DOCK6: variants seen among roughly 807,000 people sequenced by gnomAD.
DOCK6 encodes the protein dedicator of cytokinesis protein 6.
Under a neutral mutation model 230.3 loss-of-function variants are expected in DOCK6, and 167 were observed. The observed-to-expected ratio is 0.73, with a 90% CI of 0.64 to 0.82. DOCK6 has a LOEUF of 0.82. Among genes scored for constraint, DOCK6 ranks in the 40% least tolerant of loss-of-function variants. The pLI is 0.00. For synonymous variants in DOCK6, 1,148 were observed against 1,185.0 expected (o/e 0.97, Z 0.64); for missense variants, 2,598 against 2,825.8 (o/e 0.92, Z 1.83).
chr19:11,217,420 G>A (rs1404426297), intron 28 of DOCK6, 29 bp from the exon 29 acceptor site: 1 of 1,604,368 alleles, frequency 6.2e-7, no homozygotes, highest in Non-Finnish European at 8.5e-7. Flanking sequence ...GGGAAAGAAA[G>A]ATAAACCCTT....
intron 28 of DOCK6, 74 bp downstream of exon 28, chr19:11,221,777 C>G (rs2079581431): frequency 6.2e-6 from 10 of 1,607,228 alleles, no homozygotes; most frequent in Non-Finnish European, 8.5e-6. Flanking sequence ...TGTGTTCTCC[C>G]ACCTTTACTA....
rs2080108058 is a variant in DOCK6 at position 11,250,939 on chromosome 19, T to C, written c.655A>G (p.Asn219Asp). 1.9e-6 allele frequency: 3 copies of C among 1,612,916 alleles called. No individual in the cohort carries two copies. Among genetic ancestry groups the C allele is most frequent in the Non-Finnish European group, 2.5e-6 (3 of 1,179,126 alleles). ...RAAPEDVDRR[N>D]ETLRRQHRPP... ...CGGTGCTGCCGTCGAAGGGTTTCAT[T>C]GCGCCGGTCCACATCTTCTGGGGCC... is the stretch of plus-strand genomic sequence containing the variant. The change falls in exon 6 of 48, where the codon AAT (asparagine) becomes GAT (aspartate). Residue 219 changes from asparagine to aspartate, a missense_variant. By Grantham distance (23) the Asn-to-Asp change is conservative. Transcript: ENST00000294618.
chr19:11,227,318 G>T lies in DOCK6; in HGVS notation c.2955+19C>A. On this transcript the variant is annotated intron_variant, in intron 24 of 47. Transcript: ENST00000294618. Reference sequence around the variant, plus strand: ...CCTCCCTCAGGTTTCTTCCCACATTGAGACCCTGCATCTCTCACCTTGTGG... The same window carrying T: ...CCTCCCTCAGGTTTCTTCCCACATTTAGACCCTGCATCTCTCACCTTGTGG... 6.2e-7 allele frequency: 1 copy of T among 1,611,588 alleles called. No homozygotes were observed. Among genetic ancestry groups the T allele is most frequent in the Non-Finnish European group, 8.5e-7 (1 of 1,178,114 alleles).
intron 21 of DOCK6, among the ~76,000 whole-genome samples, chr19:11,233,593 G>C (rs1488759069): frequency 6.6e-6 from 1 of 152,116 alleles, no homozygotes; most frequent in Non-Finnish European, 1.5e-5. Context: ...CAGCACTTTG[G>C]GAGGGCGAGC....
At chr19:11,218,980 G>A (rs1216998548) in intron 28 of DOCK6, among the ~76,000 whole-genome samples, 1 of 144,788 alleles carries the variant, frequency 6.9e-6, no homozygotes, top group East Asian at 2.1e-4. Context: ...CCAGGTTCTA[G>A]TGATTCTCCT....
intron 14 of DOCK6, chr19:11,238,913 A>T (rs1195795911): frequency 6.4e-6 from 1 of 155,372 alleles, no homozygotes; most frequent in Non-Finnish European, 1.4e-5. Flanking sequence ...CAATGACAAT[A>T]ATTGCACCAA....
intron 6 of DOCK6, among the ~76,000 whole-genome samples, chr19:11,249,759 G>A (rs188880353): frequency 4.5e-4 from 67 of 148,634 alleles, no homozygotes; most frequent in Middle Eastern, 3.8e-3. Context: ...TTAGCCGGGC[G>A]TGGTGGCTGG....
chr19:11,258,781 G>A (rs2080238122), intron 1 of DOCK6, among the ~76,000 whole-genome samples: 1 of 148,094 alleles, frequency 6.8e-6, no homozygotes, highest in Non-Finnish European at 1.5e-5. Flanking sequence ...TTTTTCTTGA[G>A]ACGGAGTCTC....
intron 37 of DOCK6, among the ~76,000 whole-genome samples, chr19:11,210,682 C>A (rs1414783132): frequency 6.6e-6 from 1 of 150,392 alleles, no homozygotes; most frequent in African/African-American, 2.5e-5. Flanking sequence ...CCTCATCTGT[C>A]CACCCCTTTA....
rs1181434692 is a variant in DOCK6 at position 11,262,464 on chromosome 19, G to T, written c.-24C>A. ...ATGGTCCTCGCGTCCCGCCGCCGCC[G>T]CCCCGGGCCCCGGCCCCGCCGCCGC... On this transcript the variant is annotated 5_prime_UTR_variant, in exon 1 of 48. Coordinates refer to ENST00000294618, the MANE Select transcript of DOCK6 (RefSeq NM_020812.4). The T allele has an allele frequency of 1.7e-6, 2 of 1,150,998 alleles. No individual in the cohort carries two copies. The highest frequency in any genetic ancestry group is 2.1e-6 in the Non-Finnish European group (2 of 937,488). 71.3% of individuals were successfully genotyped at this position (1,150,998 alleles called of 1,614,324 possible).
intron 28 of DOCK6, among the ~76,000 whole-genome samples, chr19:11,220,452 C>T (rs2079562458): frequency 6.6e-6 from 1 of 152,274 alleles, no homozygotes; most frequent in African/African-American, 2.4e-5. Flanking sequence ...CAGCCTAGCT[C>T]AATTCCTGAT....
chr19:11,247,992 T>G, intron 7 of DOCK6, 74 bp downstream of exon 7: 2 of 1,279,270 alleles, frequency 1.6e-6, no homozygotes, highest in Non-Finnish European at 2.2e-6. Context: ...GCACTACTCA[T>G]GTAGTGTGTA....
chr19:11,236,722 A>G lies in DOCK6; in HGVS notation c.2160+71T>C. ...GGCCAGACCTCCCCGGCCATCGGCA[A>G]CTGTTACTCAATCGTAGGGCAGGCA... On this transcript the variant is annotated intron_variant, in intron 19 of 47. Coordinates refer to ENST00000294618, the MANE Select transcript of DOCK6 (RefSeq NM_020812.4). This position sits in a 1 kb window ranked among gnomAD's most constrained non-coding sequence, Gnocchi z 5.2. 6.5e-7 allele frequency: 1 copy of G among 1,535,422 alleles called. No homozygotes were observed. Among genetic ancestry groups the G allele is most frequent in the Non-Finnish European group, 8.8e-7 (1 of 1,133,586 alleles).
rs778614805 is a variant in DOCK6 at position 11,252,891 on chromosome 19, G to A, written c.200C>T (p.Ala67Val). 9.3e-6 allele frequency: 15 copies of A among 1,613,750 alleles called. No homozygotes were observed. Among genetic ancestry groups the A allele is most frequent in the Non-Finnish European group, 1.3e-5 (15 of 1,179,806 alleles). ...EDVLLSRPPD[A>V]EPGPLRDLVE... ...CAGGTCCCTGAGGGGCCCGGGCTCAGCATCTGGTGGCCGGCTCAGAAGTAC... is the reference window on the plus strand; with the variant it reads ...CAGGTCCCTGAGGGGCCCGGGCTCAACATCTGGTGGCCGGCTCAGAAGTAC... The change falls in exon 3 of 48, where the codon GCT becomes GTT. Residue 67 changes from alanine to valine, a missense_variant. By Grantham distance (64) the Ala-to-Val change is moderately conservative (BLOSUM62 0). Transcript: ENST00000294618.
rs148260435 is a variant in DOCK6 at position 11,242,644 on chromosome 19, G to A, written c.1480+415C>T. On this transcript the variant is annotated intron_variant, in intron 13 of 47. Transcript: ENST00000294618. ...TGACCTCAAGTGATCTGCCCGCCTC[G>A]GCCTCCCAAAGTGCTGGCATTACAG... 1.7e-3 allele frequency among the ~76,000 whole-genome samples: 263 copies of A among 151,746 alleles called. 3 individuals are homozygous for A. In the East Asian group the frequency reaches 0.047, roughly 27 times the overall value.
Position 11,217,030 on chromosome 19 carries a change from C to G in DOCK6, c.3778G>C (p.Val1260Leu). The change falls in exon 30 of 48, where the codon GTG becomes CTG. Residue 1260 changes from valine to leucine, a missense_variant. Coordinates refer to ENST00000294618, the MANE Select transcript of DOCK6 (RefSeq NM_020812.4). The part of the protein sequence containing the change: ...SRTLLACVLW[V>L]LKNTEPALLQ... ...AGCGCCGGCTCGGTGTTTTTCAGCA[C>G]CCACAGCACACACGCCAGCAAGGTC... The G allele has an allele frequency of 4.3e-6, 7 of 1,613,634 alleles. No homozygotes were observed. Among genetic ancestry groups the G allele is most frequent in the Non-Finnish European group, 5.9e-6 (7 of 1,179,892 alleles).
chr19:11,222,650 G>T lies in DOCK6; in HGVS notation c.3240+85C>A. 7.2e-7 allele frequency: 1 copy of T among 1,397,060 alleles called. No individual in the cohort carries two copies. The highest frequency in any genetic ancestry group is 9.7e-7 in the Non-Finnish European group (1 of 1,030,948). The allele number at this position is 1,397,060 out of a possible 1,614,324, so 86.5% of individuals were successfully genotyped here. On this transcript the variant is annotated intron_variant, in intron 26 of 47. Transcript: ENST00000294618. The surrounding 1 kb of genome is among the most constrained non-coding windows in gnomAD (Gnocchi z 4.0). ...CTAGGCAGTGGTCCACCGTGAAAGGGACAGAGATGAGGGAACCATAGGAGA... is the reference window on the plus strand; with the variant it reads ...CTAGGCAGTGGTCCACCGTGAAAGGTACAGAGATGAGGGAACCATAGGAGA...
At chr19:11,234,039 C>T (rs1271946927) in intron 21 of DOCK6, among the ~76,000 whole-genome samples, 1 of 151,162 alleles carries the variant, frequency 6.6e-6, no homozygotes, top group Non-Finnish European at 1.5e-5. Context: ...CTTGCTCTGT[C>T]GCCAGGCTGG....
In DOCK6 at chr19:11,236,160, G is replaced by A. The variant is rs564074925; in HGVS notation, c.2392+186C>T. The A allele has an allele frequency of 7.7e-5, 51 of 661,916 alleles. No homozygotes were observed. The highest frequency in any genetic ancestry group is 5.5e-4 in the African/African-American group (30 of 55,036). 41.0% of individuals were successfully genotyped at this position (661,916 alleles called of 1,614,324 possible). On this transcript the variant is annotated intron_variant, in intron 20 of 47. Coordinates refer to ENST00000294618, the MANE Select transcript of DOCK6 (RefSeq NM_020812.4). This position sits in a 1 kb window ranked among gnomAD's most constrained non-coding sequence, Gnocchi z 5.2. The stretch of plus-strand genomic sequence containing the variant: ...CTCCCAAAGTGCTGGGATGACAGGC[G>A]TGAACCGCTGCACCCGGGCCAAAGG...
Sources: allele counts gnomAD v4.1 joint callset (sites outside exome capture counted in the v4.1 genomes callset), GRCh38; gene constraint gnomAD v4.1.1; non-coding constraint Gnocchi (gnomAD v3.1); transcripts MANE v1.5; gene names NCBI Gene and HGNC (gene_info 2026-07-23, HGNC 2026-07-21).